Variants in MTREX observed in about 807,000 individuals in gnomAD.
The protein encoded by MTREX is exosome RNA helicase MTR4.
MTREX carries 76 observed loss-of-function variants against 135.4 expected under a neutral mutation model. The ratio of observed to expected loss-of-function variants is 0.56; its 90% CI spans 0.47 to 0.68. The LOEUF is 0.68. Ranked by LOEUF, MTREX falls within the 30% of genes least tolerant of loss-of-function variation. The pLI is 0.00. For missense variants in MTREX, 920 were observed against 1,262.1 expected (o/e 0.73, Z 4.11); for synonymous variants, 404 against 401.6 (o/e 1.01, Z -0.07).
At chr5:55,404,887 T>C (rs1341798615) in intron 21 of MTREX, among the ~76,000 whole-genome samples, 1 of 150,876 alleles carries the variant, frequency 6.6e-6, no homozygotes, top group African/African-American at 2.4e-5. Context: ...CAGTGCAACC[T>C]CTACCTCCCG....
chr5:55,320,464 G>A (rs10056976), intron 1 of MTREX, among the ~76,000 whole-genome samples: 6 of 151,944 alleles, frequency 3.9e-5, no homozygotes, highest in Non-Finnish European at 7.4e-5. Context: ...TGATCTGCCC[G>A]CCTTGGCCTC....
intron 15 of MTREX, among the ~76,000 whole-genome samples, chr5:55,361,658 A>G (rs1750012329): frequency 6.6e-6 from 1 of 151,570 alleles, no homozygotes; most frequent in African/African-American, 2.4e-5. Flanking sequence ...GGGTTTCACC[A>G]TGTTGGCCAG....
At chr5:55,371,211 A>G (rs987954618) in intron 16 of MTREX, among the ~76,000 whole-genome samples, 4 of 152,194 alleles carry the variant, frequency 2.6e-5, no homozygotes, top group African/African-American at 9.6e-5. Flanking sequence ...TTCAAGTTCT[A>G]AGAATTAAAT....
chr5:55,330,463 TC>T (rs1360097412), intron 5 of MTREX, among the ~76,000 whole-genome samples: 1 of 152,074 alleles, frequency 6.6e-6, no homozygotes, highest in Non-Finnish European at 1.5e-5. Context: ...TTCCTTTTTT[TC>T]GTAATGTTTT....
intron 10 of MTREX, among the ~76,000 whole-genome samples, chr5:55,346,622 A>G (rs1484271465): frequency 6.6e-6 from 1 of 152,064 alleles, no homozygotes; most frequent in Non-Finnish European, 1.5e-5. Context: ...CTTATTGGCC[A>G]TTTGCATATT....
At chr5:55,353,039 ATTGT>A (rs1475706974) in intron 13 of MTREX, 125 bp from the exon 14 acceptor site, 7 of 502,734 alleles carry the variant, frequency 1.4e-5, no homozygotes, top group Non-Finnish European at 2.0e-5. Flanking sequence ...TTGAGAACAT[ATTGT>A]TTGTTATTTT....
At chr5:55,338,134 A>G (rs1162928737) in intron 5 of MTREX, among the ~76,000 whole-genome samples, 1 of 152,188 alleles carries the variant, frequency 6.6e-6, no homozygotes, top group Admixed American at 6.5e-5. Flanking sequence ...AAAATTTTAT[A>G]TATACCTTTA....
chr5:55,320,838 C>G (rs1452884044), intron 1 of MTREX, among the ~76,000 whole-genome samples: 1 of 152,136 alleles, frequency 6.6e-6, no homozygotes, highest in Non-Finnish European at 1.5e-5. Context: ...GGCAAAGTCA[C>G]AATTTTCCGA....
chr5:55,309,289 A>C (rs1335941322), intron 1 of MTREX, among the ~76,000 whole-genome samples: 1 of 152,228 alleles, frequency 6.6e-6, no homozygotes, highest in Non-Finnish European at 1.5e-5. Context: ...TTTTGATTTC[A>C]TTTTTAAAAC....
intron 25 of MTREX, among the ~76,000 whole-genome samples, chr5:55,420,849 T>C (rs2111632375): frequency 6.7e-6 from 1 of 148,926 alleles, no homozygotes; most frequent in Non-Finnish European, 1.5e-5. Flanking sequence ...AAATAATTTA[T>C]GGTGTGTGAA....
Position 55,347,106 on chromosome 5 carries a change from C to G in MTREX, c.1202C>G (p.Ala401Gly), listed in dbSNP as rs755627766. The G allele has an allele frequency of 5.0e-6, 8 of 1,606,810 alleles. No individual in the cohort carries two copies. Among genetic ancestry groups the G allele is most frequent in the Non-Finnish European group, 6.8e-6 (8 of 1,176,206 alleles). The change falls in exon 11 of 27, where the codon GCC (alanine) becomes GGC (glycine). Residue 401 changes from alanine to glycine, a missense_variant. Transcript: ENST00000230640. ...AGTTTTAGTAAGAAAGATTGTGAAGCCTATGCACTTCAAATGACCAAATTA... is the reference window on the plus strand; with the variant it reads ...AGTTTTAGTAAGAAAGATTGTGAAGGCTATGCACTTCAAATGACCAAATTA... ...IFSFSKKDCE[A>G]YALQMTKLDF...
chr5:55,392,807 A>G (rs926366055), intron 19 of MTREX, among the ~76,000 whole-genome samples: 1 of 152,138 alleles, frequency 6.6e-6, no homozygotes, highest in Non-Finnish European at 1.5e-5. Flanking sequence ...CTTACTCCCC[A>G]GCCTTTCCTT....
At chr5:55,414,629 T>C (rs1198717357) in intron 24 of MTREX, among the ~76,000 whole-genome samples, 1 of 152,086 alleles carries the variant, frequency 6.6e-6, no homozygotes, top group East Asian at 1.9e-4. Context: ...TTCATTCTGG[T>C]TTATAACAAA....
intron 1 of MTREX, among the ~76,000 whole-genome samples, chr5:55,321,579 G>A (rs1749290130): frequency 6.7e-6 from 1 of 149,064 alleles, no homozygotes; most frequent in African/African-American, 2.5e-5. Context: ...ATTCCCCTAT[G>A]GATATTCAGT....
intron 19 of MTREX, among the ~76,000 whole-genome samples, chr5:55,394,276 A>T (rs1390085425): frequency 1.3e-5 from 2 of 152,216 alleles, no homozygotes; most frequent in Non-Finnish European, 2.9e-5. Context: ...TGGTATTGAT[A>T]ATTTTTCATG....
At position 55,346,863 on chromosome 5, in the gene MTREX, G is replaced by A. The variant is rs1749748212; in HGVS notation, c.1109-150G>A. On this transcript the variant is annotated intron_variant, in intron 10 of 26. Coordinates refer to ENST00000230640, the MANE Select transcript of MTREX (RefSeq NM_015360.5). Reference sequence around the variant, plus strand: ...TTTTCCTTATGTTGTTTATGCTTTTGTTGTCATATCTAAGAATGCTTTGTC... The same window carrying A: ...TTTTCCTTATGTTGTTTATGCTTTTATTGTCATATCTAAGAATGCTTTGTC... 3 of 557,672 alleles carry A rather than the reference G, an allele frequency of 5.4e-6. No homozygotes were observed. In the East Asian group the frequency reaches 1.1e-4, roughly 21 times the overall value. 34.5% of individuals were successfully genotyped at this position (557,672 alleles called of 1,614,324 possible).
chr5:55,350,994 A>G lies in MTREX; in HGVS notation c.1396A>G (p.Thr466Ala), dbSNP rs1251296856. 3.1e-6 allele frequency: 5 copies of G among 1,605,934 alleles called. No homozygotes were observed. The highest frequency in any genetic ancestry group is 4.2e-6 in the Non-Finnish European group (5 of 1,178,132). The change falls in exon 13 of 27, where the codon ACT (threonine) becomes GCT (alanine). Residue 466 changes from threonine (T) to alanine (A), a missense_variant. Around this residue, in one of 6 missense-constraint regions of MTREX, gnomAD observed 46 missense variants for 116.8 expected, o/e 0.39. Transcript: ENST00000230640. The part of the protein sequence containing the change: ...HGGLLPILKE[T>A]IEILFSEGLI... The stretch of plus-strand genomic sequence containing the variant: ...TGGTTTACTTCCTATTTTGAAAGAA[A>G]CTATAGAAATTCTCTTTTCTGAAGG...
At chr5:55,337,028 T>G (rs1476343203) in intron 5 of MTREX, among the ~76,000 whole-genome samples, 1 of 152,240 alleles carries the variant, frequency 6.6e-6, no homozygotes, top group East Asian at 1.9e-4. Context: ...TGAAGCCATT[T>G]AAGCCTAGGC....
At chr5:55,354,941 G>C (rs977069455) in intron 14 of MTREX, among the ~76,000 whole-genome samples, 1 of 152,162 alleles carries the variant, frequency 6.6e-6, no homozygotes, top group African/African-American at 2.4e-5. Flanking sequence ...GACTCATCGG[G>C]GTCCAGACTG....
Sources: gnomAD v4.1 joint callset for allele counts (sites outside exome capture counted in the v4.1 genomes callset) on GRCh38, gnomAD v4.1.1 for gene constraint, gnomAD v4.1.1 regional missense constraint, MANE v1.5 for transcripts, NCBI Gene and HGNC (gene_info 2026-07-23, HGNC 2026-07-21) for gene names.